ASGR2: variants seen among roughly 807,000 people sequenced by gnomAD.
ASGR2 encodes the protein asialoglycoprotein receptor 2.
ASGR2 carries 34 observed loss-of-function variants against 32.3 expected under a neutral mutation model. That is an observed-to-expected ratio of 1.05 (90% CI 0.80 to 1.40). The LOEUF (loss-of-function observed/expected upper bound fraction) is 1.40. Ranked by LOEUF, ASGR2 falls within the 40% of genes most tolerant of loss-of-function variation. The pLI is 0.00. For synonymous variants in ASGR2, 143 were observed against 150.0 expected (o/e 0.95, Z 0.34); for missense variants, 385 against 386.4 (o/e 1.00, Z 0.03).
At position 7,101,371 on chromosome 17, in the gene ASGR2, G is replaced by A. The variant is rs1203354009; in HGVS notation, c.*204C>T. On this transcript the variant is annotated 3_prime_UTR_variant, in exon 9 of 9. Coordinates refer to ENST00000691900, the MANE Select transcript of ASGR2 (RefSeq NM_001201352.2). ...TTCCTACGCCATTGAAGAGGCTGAC[G>A]ATTATAATAATTACAATGAATTACA... 1.3e-5 allele frequency: 8 copies of A among 599,496 alleles called. No individual in the cohort carries two copies. The highest frequency in any genetic ancestry group is 9.2e-5 in the Admixed American group (3 of 32,486). 37.1% of individuals were successfully genotyped at this position (599,496 alleles called of 1,614,324 possible).
rs886670283 is a variant in ASGR2 at position 7,102,344 on chromosome 17, G to C, written c.649-148C>G. 5.7e-6 allele frequency: 4 copies of C among 697,098 alleles called. No individual in the cohort carries two copies. In the African/African-American group the frequency reaches 7.0e-5, roughly 12 times the overall value. 43.2% of individuals were successfully genotyped at this position (697,098 alleles called of 1,614,324 possible). A position where few individuals can be genotyped will look rare whatever the true frequency, so the allele number is the denominator to read the frequency against. ...CAGCTCCCGACAAGACTGCTTCCTAGCTTTTTCTTCCGTCACTCTAGCTAC... is the reference window on the plus strand; with the variant it reads ...CAGCTCCCGACAAGACTGCTTCCTACCTTTTTCTTCCGTCACTCTAGCTAC... On this transcript the variant is annotated intron_variant, in intron 7 of 8. Coordinates refer to ENST00000691900, the MANE Select transcript of ASGR2 (RefSeq NM_001201352.2).
chr17:7,108,677 T>A lies in ASGR2; in HGVS notation c.241+95A>T, dbSNP rs542464576. 2.7e-5 allele frequency: 43 copies of A among 1,605,358 alleles called. No homozygotes were observed. In the South Asian group the frequency reaches 4.3e-4, roughly 16 times the overall value. On this transcript the variant is annotated intron_variant, in intron 3 of 8. Transcript: ENST00000691900. This position sits in a 1 kb window ranked among gnomAD's most constrained non-coding sequence, Gnocchi z 4.9. ...CAGCTTGTGCTCCACCCCGCCTCCA[T>A]CCCTTCCCCTCCCATCGCCCCGATC...
At position 7,113,120 on chromosome 17, in the gene ASGR2, C is replaced by T. The variant is rs918294055; in HGVS notation, c.124+997G>A. On this transcript the variant is annotated intron_variant, in intron 2 of 8. Transcript: ENST00000691900. The surrounding 1 kb of genome is among the most constrained non-coding windows in gnomAD (Gnocchi z 5.1). ...GTTGCAGTGAGCTATGATCCTGCCA[C>T]TACACTCCTGTCTCTAAAAAAAAAA... 2.6e-5 allele frequency among the ~76,000 whole-genome samples: 4 copies of T among 151,922 alleles called. No individual in the cohort carries two copies. Among genetic ancestry groups the T allele is most frequent in the Admixed American group, 2.6e-4 (4 of 15,236 alleles).
chr17:7,101,599 C>T lies in ASGR2; in HGVS notation c.897G>A (p.Arg299=). 1 of 1,614,186 alleles carries T rather than the reference C, an allele frequency of 6.2e-7. No homozygotes were observed. The highest frequency in any genetic ancestry group is 8.5e-7 in the Non-Finnish European group (1 of 1,180,038). Residue 299 remains arginine (R), a synonymous_variant, in exon 9 of 9, where the codon CGG becomes CGA. Transcript: ENST00000691900. Reference sequence around the variant, plus strand: ...GTCAGGCCACCTCGCCGGTGGCATTCCGCCTTTTCTCACACACCCAGCGGT... The same window carrying T: ...GTCAGGCCACCTCGCCGGTGGCATTTCGCCTTTTCTCACACACCCAGCGGT... ...QVYRWVCEKR[R]NATGEVA is the part of the protein sequence containing the mutation.
rs1489051542 is a variant in ASGR2 at position 7,107,709 on chromosome 17, ATGCT to A, written c.409+123_409+126del. 4 of 1,156,014 alleles carry A rather than the reference ATGCT, an allele frequency of 3.5e-6. No homozygotes were observed. The highest frequency in any genetic ancestry group is 5.0e-6 in the Non-Finnish European group (4 of 796,614). The allele number at this position is 1,156,014 out of a possible 1,614,324, so 71.6% of individuals were successfully genotyped here. On this transcript the variant is annotated intron_variant, in intron 5 of 8. Coordinates refer to ENST00000691900, the MANE Select transcript of ASGR2 (RefSeq NM_001201352.2). This position sits in a 1 kb window ranked among gnomAD's most constrained non-coding sequence, Gnocchi z 5.0. ...CATACGGAGAGAGACACAGATACAC[ATGCT>A]TGCAGGCACACACACGCACGCACGC... is the stretch of plus-strand genomic sequence containing the variant.
At chr17:7,102,873 G>T (rs1293883468) in intron 7 of ASGR2, among the ~76,000 whole-genome samples, 3 of 152,202 alleles carry the variant, frequency 2.0e-5, no homozygotes, top group Non-Finnish European at 4.4e-5. Flanking sequence ...GAAGACACCG[G>T]GGTGTGAGGA....
At chr17:7,104,218 C>T (rs890379774) in intron 7 of ASGR2, among the ~76,000 whole-genome samples, 52 of 152,034 alleles carry the variant, frequency 3.4e-4, no homozygotes, top group Admixed American at 7.2e-4. Context: ...CGTGTTGGCG[C>T]ATGCCTGTAA....
Position 7,114,040 on chromosome 17 carries a change from G to T in ASGR2, c.124+77C>A. On this transcript the variant is annotated intron_variant, in intron 2 of 8. Coordinates refer to ENST00000691900, the MANE Select transcript of ASGR2 (RefSeq NM_001201352.2). The surrounding 1 kb of genome is among the most constrained non-coding windows in gnomAD (Gnocchi z 4.5). Reference sequence around the variant, plus strand: ...CAGTCCCTGTTCACAGAGTGGGTGCGGCAGAGACCTCAAAGGGACAGAGCA... The same window carrying T: ...CAGTCCCTGTTCACAGAGTGGGTGCTGCAGAGACCTCAAAGGGACAGAGCA... 6.3e-7 allele frequency: 1 copy of T among 1,585,090 alleles called. No individual in the cohort carries two copies. Among genetic ancestry groups the T allele is most frequent in the South Asian group, 1.1e-5 (1 of 87,006 alleles).
chr17:7,108,779 C>A lies in ASGR2; in HGVS notation c.234G>T (p.Gly78=), dbSNP rs141860287. Residue 78 remains glycine, a synonymous_variant, in exon 3 of 9, where the codon GGG becomes GGT. Transcript: ENST00000691900. The surrounding 1 kb of genome is among the most constrained non-coding windows in gnomAD (Gnocchi z 4.9). ...ILLLVVICVT[G]SQSAQLQAEL... is the part of the protein sequence containing the mutation. ...GGCCCCCGTGACCCTCACTTTGGGA[C>A]CCAGTCACACAGATGACCACCAGCA... 780 of 1,614,080 alleles carry A rather than the reference C, an allele frequency of 4.8e-4. 3 individuals are homozygous for A. In the African/African-American group the frequency reaches 9.0e-3, roughly 19 times the overall value.
chr17:7,114,466 C>G lies in ASGR2; in HGVS notation c.-71+149G>C. The G allele has an allele frequency of 1.5e-6, 2 of 1,373,094 alleles. No individual in the cohort carries two copies. Among genetic ancestry groups the G allele is most frequent in the Non-Finnish European group, 9.4e-7 (1 of 1,061,968 alleles). The allele number at this position is 1,373,094 out of a possible 1,614,324, so 85.1% of individuals were successfully genotyped here. A position where few individuals can be genotyped will look rare whatever the true frequency, so the allele number is the denominator to read the frequency against. ...TGGGTCCTTTCCCTTCTCAGGAGAC[C>G]GCTTGGGCCTTGACCTGGCCAGGAG... On this transcript the variant is annotated intron_variant, in intron 1 of 8. Coordinates refer to ENST00000691900, the MANE Select transcript of ASGR2 (RefSeq NM_001201352.2). The surrounding 1 kb of genome is among the most constrained non-coding windows in gnomAD (Gnocchi z 4.5).
At position 7,107,768 on chromosome 17, in the gene ASGR2, T is replaced by TACACATTACACACACTGC. The variant is rs374528068; in HGVS notation, c.409+67_409+68insGCAGTGTGTGTAATGTGT. On this transcript the variant is annotated intron_variant, in intron 5 of 8. Coordinates refer to ENST00000691900, the MANE Select transcript of ASGR2 (RefSeq NM_001201352.2). The surrounding 1 kb of genome is among the most constrained non-coding windows in gnomAD (Gnocchi z 5.0). ...GTGCACACTACACACACCGCACACGTACACACTACACACACCGCACACGTA... is the reference window on the plus strand; with the variant it reads ...GTGCACACTACACACACCGCACACGTACACATTACACACACTGCACACACTACACACACCGCACACGTA... The TACACATTACACACACTGC allele has an allele frequency of 5.0e-4, 475 of 951,274 alleles. 4 individuals are homozygous for TACACATTACACACACTGC. Among genetic ancestry groups the TACACATTACACACACTGC allele is most frequent in the Non-Finnish European group, 6.7e-4 (449 of 666,878 alleles). The allele number at this position is 951,274 out of a possible 1,614,324, so 58.9% of individuals were successfully genotyped here.
In ASGR2 at chr17:7,108,467, G is replaced by T; in HGVS notation, c.332C>A (p.Thr111Asn). The part of the protein sequence containing the change: ...STLTEVQAIS[T>N]HGGSVGDKIT... Reference sequence around the variant, plus strand: ...CCAGCCGTCCAGCCCCTCACCGTGGGTGCTGATTGCCTGGACCTCCGTCAG... The same window carrying T: ...CCAGCCGTCCAGCCCCTCACCGTGGTTGCTGATTGCCTGGACCTCCGTCAG... Residue 111 changes from threonine to asparagine, a missense_variant, in exon 4 of 9, where the codon ACC becomes AAC. By Grantham distance (65) the Thr-to-Asn change is moderately conservative (BLOSUM62 0). Transcript: ENST00000691900. The surrounding 1 kb of genome is among the most constrained non-coding windows in gnomAD (Gnocchi z 4.9). 1.9e-6 allele frequency: 3 copies of T among 1,602,046 alleles called. No homozygotes were observed. The highest frequency in any genetic ancestry group is 2.6e-6 in the Non-Finnish European group (3 of 1,174,352).
chr17:7,107,728 C>T lies in ASGR2; in HGVS notation c.409+108G>A, dbSNP rs555079572. The T allele has an allele frequency of 2.4e-4, 224 of 923,504 alleles. 1 individual carries two copies. Among genetic ancestry groups the T allele is most frequent in the African/African-American group, 2.3e-3 (147 of 63,172 alleles). 57.2% of individuals were successfully genotyped at this position (923,504 alleles called of 1,614,324 possible). A position where few individuals can be genotyped will look rare whatever the true frequency, so the allele number is the denominator to read the frequency against. On this transcript the variant is annotated intron_variant, in intron 5 of 8. Transcript: ENST00000691900. This position sits in a 1 kb window ranked among gnomAD's most constrained non-coding sequence, Gnocchi z 5.0. ...ATACACATGCTTGCAGGCACACACA[C>T]GCACGCACGCACACGTGCACACTAC...
intron 8 of ASGR2, 72 bp from the exon 9 acceptor site, chr17:7,101,812 C>G (rs1311051505): frequency 6.4e-7 from 1 of 1,554,314 alleles, no homozygotes; most frequent in Non-Finnish European, 8.7e-7. Context: ...TCCTCCTCTT[C>G]ATGACCATTT....
intron 7 of ASGR2, among the ~76,000 whole-genome samples, chr17:7,103,312 A>G (rs933131656): frequency 1.3e-5 from 2 of 152,260 alleles, no homozygotes; most frequent in Admixed American, 6.5e-5. Context: ...ACAAAGTCCC[A>G]TGCATGAAGG....
Position 7,107,652 on chromosome 17 carries a change from C to T in ASGR2, c.409+184G>A. 1 of 791,714 alleles carries T rather than the reference C, an allele frequency of 1.3e-6. No homozygotes were observed. The allele number at this position is 791,714 out of a possible 1,614,324, so 49.0% of individuals were successfully genotyped here. ...ACACACATATACACCACACTACACA[C>T]CACACACAGATCCATGACATATCAC... On this transcript the variant is annotated intron_variant, in intron 5 of 8. Transcript: ENST00000691900. This position sits in a 1 kb window ranked among gnomAD's most constrained non-coding sequence, Gnocchi z 5.0.
Position 7,113,800 on chromosome 17 carries a change from TCA to T in ASGR2, c.124+315_124+316del, listed in dbSNP as rs35452249. On this transcript the variant is annotated intron_variant, in intron 2 of 8. Transcript: ENST00000691900. The surrounding 1 kb of genome is among the most constrained non-coding windows in gnomAD (Gnocchi z 5.1). ...ACATATACACACACACAACATTCAC[TCA>T]CACACACACACAGAGTCCCAGCTGA... Among the ~76,000 whole-genome samples the T allele has an allele frequency of 2.1e-4, 32 of 151,480 alleles. No homozygotes were observed. The highest frequency in any genetic ancestry group is 3.8e-4 in the Non-Finnish European group (26 of 67,814).
intron 2 of ASGR2, among the ~76,000 whole-genome samples, chr17:7,111,656 C>CAA (rs771750801): frequency 2.7e-5 from 2 of 73,632 alleles, no homozygotes; most frequent in African/African-American, 5.1e-5. Context: ...ACTCCGCCTC[C>CAA]AAAAAAAAAA....
rs143467270 is a variant in ASGR2 at position 7,101,590 on chromosome 17, G to C, written c.906C>G (p.Thr302=). 1 of 1,614,110 alleles carries C rather than the reference G, an allele frequency of 6.2e-7. No individual in the cohort carries two copies. The highest frequency in any genetic ancestry group is 8.5e-7 in the Non-Finnish European group (1 of 1,180,016). ...TGTGCTGGGGTCAGGCCACCTCGCC[G>C]GTGGCATTCCGCCTTTTCTCACACA... ...RWVCEKRRNA[T]GEVA Residue 302 remains threonine, a synonymous_variant, in exon 9 of 9, where the codon ACC becomes ACG. Transcript: ENST00000691900.
Sources: allele counts gnomAD v4.1 joint callset (sites outside exome capture counted in the v4.1 genomes callset), GRCh38; gene constraint gnomAD v4.1.1; non-coding constraint Gnocchi (gnomAD v3.1); transcripts MANE v1.5; gene names NCBI Gene and HGNC (gene_info 2026-07-23, HGNC 2026-07-21).